The following FGFR2 variants were observed in gnomAD, a reference collection of about 807,000 sequenced individuals.
The protein encoded by FGFR2 is fibroblast growth factor receptor 2, also known as BEK fibroblast growth factor receptor.
In FGFR2, 19 loss-of-function variants were observed where a neutral mutation model predicts 95.9. The ratio of observed to expected loss-of-function variants is 0.20; its 90% CI spans 0.14 to 0.29. FGFR2 has a LOEUF of 0.29. Among genes scored for constraint, FGFR2 ranks in the 10% least tolerant of loss-of-function variants. The pLI is 1.00. For synonymous variants in FGFR2, 392 were observed against 393.3 expected, an observed-to-expected ratio of 1.00 and a Z score of 0.04; for missense variants, 707 against 1,056.9, an observed-to-expected ratio of 0.67 and a Z score of 4.59.
At chr10:121,516,108 A>G (rs560838544) in intron 8 of FGFR2, among the ~76,000 whole-genome samples, 3 of 152,280 alleles carry the variant, frequency 2.0e-5, no homozygotes, top group Non-Finnish European at 2.9e-5. Context: ...TTTTATATCA[A>G]CTTCCAATGT....
intron 5 of FGFR2, among the ~76,000 whole-genome samples, chr10:121,546,672 T>A (rs1027734005): frequency 6.6e-6 from 1 of 152,140 alleles, no homozygotes; most frequent in African/African-American, 2.4e-5. Flanking sequence ...CCTCCCTTTA[T>A]AGGCCGCACA....
intron 13 of FGFR2, among the ~76,000 whole-genome samples, chr10:121,494,565 C>T (rs1564871591): frequency 6.6e-6 from 1 of 152,068 alleles, no homozygotes. Context: ...GATGGGCTAC[C>T]CTCCCCAGGC....
At chr10:121,554,505 ATTTTTTTT>A (rs11334001) in intron 4 of FGFR2, among the ~76,000 whole-genome samples, 4 of 121,972 alleles carry the variant, frequency 3.3e-5, no homozygotes, top group African/African-American at 8.9e-5. Context: ...TGCCCGGCTA[ATTTTTTTT>A]TTTTTTTTTT....
chr10:121,478,507 G>A lies in FGFR2; in HGVS notation c.*1350C>T, dbSNP rs1050846204. The A allele has an allele frequency of 4.3e-6, 1 of 233,334 alleles. No homozygotes were observed. Among genetic ancestry groups the A allele is most frequent in the Non-Finnish European group, 8.5e-6 (1 of 117,952 alleles). 14.5% of individuals were successfully genotyped at this position (233,334 alleles called of 1,614,324 possible). A position where few individuals can be genotyped will look rare whatever the true frequency, so the allele number is the denominator to read the frequency against. ...TTGCACGGCTATTGCAAAGTGAGTG[G>A]GTGTTTCCAAAGCAAAACACAATAC... is the stretch of plus-strand genomic sequence containing the variant. On this transcript the variant is annotated 3_prime_UTR_variant, in exon 18 of 18. Coordinates refer to ENST00000358487, the MANE Select transcript of FGFR2 (RefSeq NM_000141.5).
intron 2 of FGFR2, among the ~76,000 whole-genome samples, chr10:121,592,050 C>T (rs562909947): frequency 2.0e-5 from 3 of 152,278 alleles, no homozygotes; most frequent in South Asian, 4.1e-4. Flanking sequence ...CTCACAATAA[C>T]GCTGCCCTGA....
Position 121,478,864 on chromosome 10 carries a change from C to G in FGFR2, c.*993G>C, listed in dbSNP as rs933740525. ...TATCATTTCAACTAAGGTCTGTCCT[C>G]AAGGAATGGATTAAGGCATCTTTTA... On this transcript the variant is annotated 3_prime_UTR_variant, in exon 18 of 18. Transcript: ENST00000358487. 4.3e-6 allele frequency: 1 copy of G among 233,472 alleles called. No homozygotes were observed. Among genetic ancestry groups the G allele is most frequent in the Admixed American group, 5.6e-5 (1 of 17,778 alleles). The allele number at this position is 233,472 out of a possible 1,614,324, so 14.5% of individuals were successfully genotyped here. A position where few individuals can be genotyped will look rare whatever the true frequency, so the allele number is the denominator to read the frequency against.
rs1846818934 is a variant in FGFR2 at position 121,496,429 on chromosome 10, G to A, written c.1863+103C>T. ...ATATTTTCCAGGTTGTACAAGACAT[G>A]CGAGGGCTTGATCTAGCAAATGAGC... On this transcript the variant is annotated intron_variant, in intron 13 of 17. Coordinates refer to ENST00000358487, the MANE Select transcript of FGFR2 (RefSeq NM_000141.5). The A allele has an allele frequency of 2.7e-6, 3 of 1,101,976 alleles. No homozygotes were observed. In the Admixed American group the frequency reaches 5.1e-5, roughly 19 times the overall value. 68.3% of individuals were successfully genotyped at this position (1,101,976 alleles called of 1,614,324 possible).
intron 6 of FGFR2, among the ~76,000 whole-genome samples, chr10:121,534,802 C>T (rs1852598935): frequency 1.3e-5 from 2 of 152,112 alleles, no homozygotes; most frequent in Non-Finnish European, 1.5e-5. Flanking sequence ...AGGGAGGAAA[C>T]CAGCATTTGT....
chr10:121,581,941 T>TA (rs1554861671), intron 2 of FGFR2, among the ~76,000 whole-genome samples: 2 of 148,810 alleles, frequency 1.3e-5, no homozygotes, highest in African/African-American at 5.0e-5. Context: ...TGATTTTTTT[T>TA]TTTATTTTTG....
intron 6 of FGFR2, among the ~76,000 whole-genome samples, chr10:121,521,998 G>A (rs563304672): frequency 2.0e-5 from 3 of 152,286 alleles, no homozygotes; most frequent in South Asian, 2.1e-4. Context: ...ATGTGACAAC[G>A]TGGAAGCCAT....
chr10:121,518,152 G>A lies in FGFR2; in HGVS notation c.940-689C>T. ...AACCTTTTGCCTTTAGTAGCGTCCA[G>A]TAGTACATTCATTAAGATGAGCTCC... On this transcript the variant is annotated intron_variant, in intron 7 of 17. Coordinates refer to ENST00000358487, the MANE Select transcript of FGFR2 (RefSeq NM_000141.5). This position sits in a 1 kb window ranked among gnomAD's most constrained non-coding sequence, Gnocchi z 4.0. 11 of 362,028 alleles carry A rather than the reference G, an allele frequency of 3.0e-5. No individual in the cohort carries two copies. Among genetic ancestry groups the A allele is most frequent in the South Asian group, 2.5e-4 (11 of 43,858 alleles). 22.4% of individuals were successfully genotyped at this position (362,028 alleles called of 1,614,324 possible). A position where few individuals can be genotyped will look rare whatever the true frequency, so the allele number is the denominator to read the frequency against.
At chr10:121,498,467 G>C in intron 12 of FGFR2, 28 bp downstream of exon 12, 1 of 1,376,600 alleles carries the variant, frequency 7.3e-7, no homozygotes, top group Non-Finnish European at 1.0e-6. Context: ...AGAGTATTTG[G>C]GCGAATGCAG....
At chr10:121,535,045 G>A (rs1852638092) in intron 6 of FGFR2, among the ~76,000 whole-genome samples, 1 of 152,126 alleles carries the variant, frequency 6.6e-6, no homozygotes, top group African/African-American at 2.4e-5. Context: ...TCCAGTGACA[G>A]GTGTCCTCAC....
chr10:121,576,129 G>A (rs182786552), intron 2 of FGFR2, among the ~76,000 whole-genome samples: 16 of 152,296 alleles, frequency 1.1e-4, no homozygotes, highest in Admixed American at 4.6e-4. Flanking sequence ...GGAGGTTGCC[G>A]TGAGCCGAGA....
intron 4 of FGFR2, among the ~76,000 whole-genome samples, chr10:121,556,135 C>T (rs556307168): frequency 3.9e-5 from 6 of 151,978 alleles, no homozygotes; most frequent in South Asian, 2.1e-4. Flanking sequence ...GATGGACGGA[C>T]GGATGGATGG....
chr10:121,524,394 A>C (rs2134382692), intron 6 of FGFR2, among the ~76,000 whole-genome samples: 1 of 152,234 alleles, frequency 6.6e-6, no homozygotes, highest in African/African-American at 2.4e-5. Flanking sequence ...ATAAAATGAA[A>C]CCTTAGAGAA....
chr10:121,571,293 C>CTTTT lies in FGFR2; in HGVS notation c.110-5590_110-5589insAAAA, dbSNP rs1564712761. On this transcript the variant is annotated intron_variant, in intron 2 of 17. Coordinates refer to ENST00000358487, the MANE Select transcript of FGFR2 (RefSeq NM_000141.5). ...TACAGGCGTGAGCCACCGTGCCTGG[C>CTTTT]CTTTTTTTTTTTTTTTTTTTTTTTT... 5.2e-3 allele frequency among the ~76,000 whole-genome samples: 456 copies of CTTTT among 86,976 alleles called. 18 individuals carry two copies. The highest frequency in any genetic ancestry group is 9.4e-3 in the Middle Eastern group (1 of 106). 57.1% of individuals were successfully genotyped at this position (86,976 alleles called of 152,430 possible). A position where few individuals can be genotyped will look rare whatever the true frequency, so the allele number is the denominator to read the frequency against.
rs562784968 is a variant in FGFR2 at position 121,528,298 on chromosome 10, G to A, written c.749-8129C>T. ...TAAATAAGTGTGGACAAAGCTTGTCGCTGTAGGGTTTTTTTTACTGGAAAA... is the reference window on the plus strand; with the variant it reads ...TAAATAAGTGTGGACAAAGCTTGTCACTGTAGGGTTTTTTTTACTGGAAAA... On this transcript the variant is annotated intron_variant, in intron 6 of 17. Coordinates refer to ENST00000358487, the MANE Select transcript of FGFR2 (RefSeq NM_000141.5). 3.3e-5 allele frequency among the ~76,000 whole-genome samples: 5 copies of A among 152,248 alleles called. No individual in the cohort carries two copies. In the East Asian group the frequency reaches 7.7e-4, roughly 24 times the overall value.
chr10:121,548,162 GC>G (rs1283759355), intron 5 of FGFR2, among the ~76,000 whole-genome samples: 1 of 146,692 alleles, frequency 6.8e-6, no homozygotes, highest in Non-Finnish European at 1.5e-5. Context: ...TACAGCCATA[GC>G]CTTTCTCCAC....
Sources: gnomAD v4.1 joint callset for allele counts (sites outside exome capture counted in the v4.1 genomes callset) on GRCh38, gnomAD v4.1.1 for gene constraint, Gnocchi (gnomAD v3.1) non-coding constraint, MANE v1.5 for transcripts, NCBI Gene and HGNC (gene_info 2026-07-23, HGNC 2026-07-21) for gene names.